UNC5D: variants seen among roughly 807,000 people sequenced by gnomAD.
UNC5D encodes unc-5 netrin receptor D, also known as netrin receptor UNC5D.
A neutral mutation model predicts 105.4 loss-of-function variants in UNC5D; 39 were observed. That is an observed-to-expected ratio of 0.37 (90% CI 0.29 to 0.48). UNC5D has a LOEUF of 0.48. Among genes scored for constraint, UNC5D ranks in the 20% least tolerant of loss-of-function variants. The pLI, the probability that UNC5D is intolerant of heterozygous loss-of-function variation, is 0.98. For missense variants in UNC5D, 991 were observed against 1,202.4 expected (o/e 0.82, Z 2.60); for synonymous variants, 452 against 450.4 (o/e 1.00, Z -0.04).
At chr8:35,695,821 G>A (rs919526887) in intron 7 of UNC5D, among the ~76,000 whole-genome samples, 1 of 151,750 alleles carries the variant, frequency 6.6e-6, no homozygotes, top group Non-Finnish European at 1.5e-5. Context: ...TTCAACCTCT[G>A]CCTTCTGGGT....
intron 1 of UNC5D, among the ~76,000 whole-genome samples, chr8:35,343,460 C>T (rs1452714632): frequency 6.6e-6 from 1 of 151,942 alleles, no homozygotes; most frequent in African/African-American, 2.4e-5. Context: ...ATACACAGTC[C>T]TCTTTTAATT....
intron 8 of UNC5D, among the ~76,000 whole-genome samples, chr8:35,710,969 C>T (rs370152925): frequency 0.01 from 1,198 of 114,096 alleles, 28 homozygotes; most frequent in African/African-American, 0.05. Context: ...GACGGAGTCT[C>T]GCTCTGTCGC....
intron 1 of UNC5D, among the ~76,000 whole-genome samples, chr8:35,284,916 A>G (rs1585494891): frequency 6.6e-6 from 1 of 152,170 alleles, no homozygotes; most frequent in South Asian, 2.1e-4. Flanking sequence ...TCTATAACAT[A>G]TAGTAAAGTT....
At chr8:35,511,742 T>TAA (rs113992530) in intron 1 of UNC5D, among the ~76,000 whole-genome samples, 3 of 133,204 alleles carry the variant, frequency 2.3e-5, no homozygotes, top group African/African-American at 8.1e-5. Flanking sequence ...AAAAAAAAAT[T>TAA]AAAAAAAAAA....
chr8:35,299,583 A>G (rs1807766739), intron 1 of UNC5D, among the ~76,000 whole-genome samples: 1 of 152,190 alleles, frequency 6.6e-6, no homozygotes, highest in East Asian at 1.9e-4. Flanking sequence ...TGGAGATGCA[A>G]ACTGACACAG....
intron 1 of UNC5D, among the ~76,000 whole-genome samples, chr8:35,378,376 C>A (rs754219970): frequency 1.3e-5 from 2 of 152,260 alleles, no homozygotes; most frequent in East Asian, 3.9e-4. Flanking sequence ...CTGGGCACAG[C>A]AAAAGGACTT....
At chr8:35,330,764 T>C (rs1357580493) in intron 1 of UNC5D, among the ~76,000 whole-genome samples, 3 of 152,180 alleles carry the variant, frequency 2.0e-5, no homozygotes, top group African/African-American at 7.2e-5. Flanking sequence ...CTATAAAATT[T>C]AACTCGAGAT....
chr8:35,544,998 G>C (rs189932839), intron 1 of UNC5D, among the ~76,000 whole-genome samples: 82 of 152,278 alleles, frequency 5.4e-4, no homozygotes, highest in Non-Finnish European at 1.0e-3. Flanking sequence ...ATGCTGAACT[G>C]CAAGAAGGTC....
At chr8:35,680,394 G>C (rs1388473478) in intron 4 of UNC5D, among the ~76,000 whole-genome samples, 1 of 151,838 alleles carries the variant, frequency 6.6e-6, no homozygotes, top group East Asian at 1.9e-4. Flanking sequence ...TTATTCAATT[G>C]TTTAATTGTC....
intron 1 of UNC5D, among the ~76,000 whole-genome samples, chr8:35,510,498 C>CT (rs555648855): frequency 2.7e-4 from 41 of 152,186 alleles, no homozygotes; most frequent in East Asian, 1.9e-4. Context: ...GCTGCCTCAA[C>CT]TTTTTTTAGC....
At chr8:35,469,118 A>G (rs2002325) in intron 1 of UNC5D, among the ~76,000 whole-genome samples, 5,412 of 152,282 alleles carry the variant, frequency 0.036, 318 homozygotes, top group African/African-American at 0.12. Context: ...ACCTATTCTC[A>G]TCAAAGAGAA....
At chr8:35,305,589 C>CTCTTTCTTTCTTTCTTTCTTTCA (rs1554505737) in intron 1 of UNC5D, among the ~76,000 whole-genome samples, 24 of 61,678 alleles carry the variant, frequency 3.9e-4, no homozygotes, top group South Asian at 3.2e-3. Context: ...TTCTTTCTTT[C>CTCTTTCTTTCTTTCTTTCTTTCA]TTTCTTTCTT....
rs540770644 is a variant in UNC5D at position 35,425,620 on chromosome 8, G to A, written c.104-123672G>A. ...AAATTGACTTGCTCAAGGACAATGCGTTTCTCAAGGGCTCTGATTCTCCTC... is the reference window on the plus strand; with the variant it reads ...AAATTGACTTGCTCAAGGACAATGCATTTCTCAAGGGCTCTGATTCTCCTC... On this transcript the variant is annotated intron_variant, in intron 1 of 16. Transcript: ENST00000404895. 2.6e-5 allele frequency among the ~76,000 whole-genome samples: 4 copies of A among 152,204 alleles called. No homozygotes were observed. The South Asian group carries it at 8.3e-4, about 32-fold the overall frequency.
Position 35,431,234 on chromosome 8 carries a change from A to G in UNC5D, c.104-118058A>G, listed in dbSNP as rs990079369. Among the ~76,000 whole-genome samples, 13 of 152,212 alleles carry G rather than the reference A, an allele frequency of 8.5e-5. No homozygotes were observed. In the East Asian group the frequency reaches 1.2e-3, roughly 14 times the overall value. Reference sequence around the variant, plus strand: ...CATAAGTGTAAAAAGGGTAGTTATCATAATGGTTAGTGAAGTTCATTTGAG... The same window carrying G: ...CATAAGTGTAAAAAGGGTAGTTATCGTAATGGTTAGTGAAGTTCATTTGAG... On this transcript the variant is annotated intron_variant, in intron 1 of 16. Transcript: ENST00000404895.
At chr8:35,764,695 A>G (rs1258694438) in intron 14 of UNC5D, among the ~76,000 whole-genome samples, 3 of 152,220 alleles carry the variant, frequency 2.0e-5, no homozygotes, top group South Asian at 2.1e-4. Context: ...TGGGAAAGCA[A>G]TATCATTAAA....
At chr8:35,623,714 A>AT (rs543800539) in intron 4 of UNC5D, among the ~76,000 whole-genome samples, 299 of 152,208 alleles carry the variant, frequency 2.0e-3, no homozygotes, top group African/African-American at 6.8e-3. Context: ...TTTAATAACC[A>AT]TTTTTTCATT....
chr8:35,254,445 T>C (rs1404685871), intron 1 of UNC5D: 1 of 152,194 alleles, frequency 6.6e-6, no homozygotes, highest in Non-Finnish European at 1.5e-5. Context: ...GGCTGAACTA[T>C]TAAAATGCTG....
chr8:35,382,576 G>A (rs907572141), intron 1 of UNC5D, among the ~76,000 whole-genome samples: 11 of 152,096 alleles, frequency 7.2e-5, no homozygotes, highest in African/African-American at 2.2e-4. Context: ...ACTGGCTAAA[G>A]TACTTTATCT....
intron 1 of UNC5D, among the ~76,000 whole-genome samples, chr8:35,388,128 C>T (rs1803544205): frequency 6.6e-6 from 1 of 152,094 alleles, no homozygotes; most frequent in East Asian, 1.9e-4. Context: ...AATCCCAGCA[C>T]TTTGGGAGGC....
Sources: gnomAD v4.1 joint callset for allele counts (sites outside exome capture counted in the v4.1 genomes callset) on GRCh38, gnomAD v4.1.1 for gene constraint, MANE v1.5 for transcripts, NCBI Gene and HGNC (gene_info 2026-07-23, HGNC 2026-07-21) for gene names.